Variants in LRRIQ1 observed in about 807,000 individuals in gnomAD.
LRRIQ1 encodes leucine-rich repeat- and IQ domain-containing protein 1.
A neutral mutation model predicts 211.9 loss-of-function variants in LRRIQ1; 210 were observed. That is an observed-to-expected ratio of 0.99 (90% CI 0.89 to 1.11). The LOEUF (loss-of-function observed/expected upper bound fraction) is 1.11, where lower values mean the gene tolerates loss of function less well. Among genes scored for constraint, LRRIQ1 ranks in the 50% most tolerant of loss-of-function variants. LRRIQ1 has a pLI of 0.00. For missense variants in LRRIQ1, 2,136 were observed against 1,939.5 expected (o/e 1.10, Z -1.90); for synonymous variants, 699 against 650.1 (o/e 1.08, Z -1.14).
chr12:85,217,712 G>GTA lies in LRRIQ1; in HGVS notation c.4823-11799_4823-11798dup, dbSNP rs1565910256. 5.7e-4 allele frequency among the ~76,000 whole-genome samples: 59 copies of GTA among 103,826 alleles called. No individual in the cohort carries two copies. In the African/African-American group the frequency reaches 8.0e-3, roughly 14 times the overall value. The allele number at this position is 103,826 out of a possible 152,430, so 68.1% of individuals were successfully genotyped here. A position where few individuals can be genotyped will look rare whatever the true frequency, so the allele number is the denominator to read the frequency against. ...TGTGTATATATGTATATATGTGTGT[G>GTA]TATATATGTATATATGTGTATATAT... On this transcript the variant is annotated intron_variant, in intron 24 of 26. Coordinates refer to ENST00000393217, the MANE Select transcript of LRRIQ1 (RefSeq NM_001079910.2).
chr12:85,102,456 T>C (rs1886415133), intron 13 of LRRIQ1, among the ~76,000 whole-genome samples: 1 of 151,866 alleles, frequency 6.6e-6, no homozygotes, highest in Non-Finnish European at 1.5e-5. Context: ...TGGGATCTTA[T>C]ATGTTTAATA....
At chr12:85,203,072 G>A (rs1893378969) in intron 24 of LRRIQ1, among the ~76,000 whole-genome samples, 1 of 152,184 alleles carries the variant, frequency 6.6e-6, no homozygotes, top group Non-Finnish European at 1.5e-5. Flanking sequence ...GGAGTGACCA[G>A]GTGGGAGATA....
At chr12:85,156,210 A>G (rs544320008) in intron 23 of LRRIQ1, among the ~76,000 whole-genome samples, 6 of 151,826 alleles carry the variant, frequency 4.0e-5, no homozygotes, top group South Asian at 2.1e-4. Context: ...TTTTTTATCA[A>G]TATATTAGAA....
At chr12:85,167,234 C>G (rs531535162) in intron 24 of LRRIQ1, among the ~76,000 whole-genome samples, 1 of 152,002 alleles carries the variant, frequency 6.6e-6, no homozygotes, top group Non-Finnish European at 1.5e-5. Context: ...TTTTATATGC[C>G]ATATGTATTA....
chr12:85,173,116 T>TAAATA (rs916881053), intron 24 of LRRIQ1, among the ~76,000 whole-genome samples: 9 of 151,978 alleles, frequency 5.9e-5, no homozygotes, highest in East Asian at 3.9e-4. Flanking sequence ...TCAAAAACAA[T>TAAATA]AAATAAAATA....
chr12:85,243,215 G>T, intron 26 of LRRIQ1, among the ~76,000 whole-genome samples: 1 of 145,494 alleles, frequency 6.9e-6, no homozygotes, highest in Non-Finnish European at 1.5e-5. Context: ...TTTTTTTTAA[G>T]GTTTACCATT....
chr12:85,072,187 TTTTAAAAATGTTTTACCTTAGA>T (rs1316712214), intron 10 of LRRIQ1, among the ~76,000 whole-genome samples: 22 of 152,106 alleles, frequency 1.4e-4, no homozygotes, highest in South Asian at 4.1e-4. Flanking sequence ...ATTTTAGGGT[TTTTAAAAATGTTTTACCTTAGA>T]TTTAAAATTT....
chr12:85,148,180 ATTTATTTTACT>A (rs1890015350), intron 19 of LRRIQ1, among the ~76,000 whole-genome samples: 1 of 151,386 alleles, frequency 6.6e-6, no homozygotes, highest in East Asian at 1.9e-4. Flanking sequence ...AAATGTATTT[ATTTATTTTACT>A]TTTAGTTCTG....
At chr12:85,185,965 T>C (rs1032691364) in intron 24 of LRRIQ1, among the ~76,000 whole-genome samples, 2 of 152,014 alleles carry the variant, frequency 1.3e-5, no homozygotes, top group Admixed American at 6.6e-5. Context: ...TTTAAGACTA[T>C]TTTTATTGTT....
At chr12:85,252,765 TAA>T (rs1375544941) in intron 1 of LRRIQ1, among the ~76,000 whole-genome samples, 11 of 151,932 alleles carry the variant, frequency 7.2e-5, no homozygotes, top group African/African-American at 2.2e-4. Flanking sequence ...TTTTTGAAGA[TAA>T]AGTTAATAAT....
chr12:85,161,988 A>G (rs553483210), intron 24 of LRRIQ1, among the ~76,000 whole-genome samples: 1 of 151,904 alleles, frequency 6.6e-6, no homozygotes, highest in Non-Finnish European at 1.5e-5. Context: ...GCAGTGAGCC[A>G]AGATCGCGCC....
At chr12:85,158,263 C>T (rs1463642598) in intron 23 of LRRIQ1, among the ~76,000 whole-genome samples, 1 of 151,142 alleles carries the variant, frequency 6.6e-6, no homozygotes, top group Non-Finnish European at 1.5e-5. Context: ...AGATAAAAGT[C>T]ACTAATATAC....
chr12:85,258,182 T>G (rs2137326566), intron 1 of LRRIQ1, among the ~76,000 whole-genome samples: 1 of 151,986 alleles, frequency 6.6e-6, no homozygotes, highest in South Asian at 2.1e-4. Flanking sequence ...ACATGTTTTT[T>G]TTTAAAACAT....
At chr12:85,059,490 T>C (rs1360896757) in intron 8 of LRRIQ1, among the ~76,000 whole-genome samples, 1 of 152,020 alleles carries the variant, frequency 6.6e-6, no homozygotes, top group Admixed American at 6.6e-5. Context: ...TGCCGTTGCC[T>C]GACATTGTGA....
intron 25 of LRRIQ1, among the ~76,000 whole-genome samples, chr12:85,230,010 AATTATAATTC>A (rs1463278710): frequency 1.3e-5 from 2 of 152,196 alleles, no homozygotes; most frequent in African/African-American, 4.8e-5. Flanking sequence ...TGACAGTTAA[AATTATAATTC>A]AACCCTGTGG....
intron 15 of LRRIQ1, 73 bp downstream of exon 15, chr12:85,106,688 C>T: frequency 2.0e-6 from 2 of 996,158 alleles, no homozygotes; most frequent in South Asian, 1.5e-5. Flanking sequence ...AAAAATTGTC[C>T]TGTGAATAAC....
intron 24 of LRRIQ1, among the ~76,000 whole-genome samples, chr12:85,225,968 A>C (rs898321546): frequency 1.3e-5 from 2 of 152,156 alleles, no homozygotes; most frequent in African/African-American, 4.8e-5. Context: ...ACATCCAGCC[A>C]ATTTCACCAC....
intron 24 of LRRIQ1, among the ~76,000 whole-genome samples, chr12:85,161,236 A>G (rs759323785): frequency 1.9e-4 from 29 of 152,302 alleles, no homozygotes; most frequent in Admixed American, 4.6e-4. Context: ...TTCAACGTTC[A>G]GAAAAAACAT....
chr12:85,200,403 A>C (rs1338208776), intron 24 of LRRIQ1, among the ~76,000 whole-genome samples: 1 of 151,990 alleles, frequency 6.6e-6, no homozygotes, highest in African/African-American at 2.4e-5. Context: ...TGAAATCTGC[A>C]AATAGAGATA....
Sources: allele counts gnomAD v4.1 joint callset (sites outside exome capture counted in the v4.1 genomes callset), GRCh38; gene constraint gnomAD v4.1.1; transcripts MANE v1.5; gene names NCBI Gene and HGNC (gene_info 2026-07-23, HGNC 2026-07-21).